CHUK: variants seen among roughly 807,000 people sequenced by gnomAD.
CHUK encodes the protein component of inhibitor of nuclear factor kappa B kinase complex.
A neutral mutation model predicts 104.8 loss-of-function variants in CHUK; 35 were observed. That is an observed-to-expected ratio of 0.33 (90% CI 0.26 to 0.44). The LOEUF (loss-of-function observed/expected upper bound fraction) is 0.44. Among genes scored for constraint, CHUK ranks in the 20% least tolerant of loss-of-function variants. The pLI is 1.00. For missense variants in CHUK, 663 were observed against 902.7 expected, an observed-to-expected ratio of 0.73 and a Z score of 3.40; for synonymous variants, 276 against 291.9, an observed-to-expected ratio of 0.95 and a Z score of 0.56.
chr10:100,190,830 C>A (rs781291698), intron 20 of CHUK, 39 bp downstream of exon 20: 2 of 1,178,058 alleles, frequency 1.7e-6, no homozygotes, highest in African/African-American at 3.0e-5. Flanking sequence ...TTGCACCCAA[C>A]ATAGCCAAAG....
In CHUK at chr10:100,200,891, AATAAT is replaced by A. The variant is rs1845446252; in HGVS notation, c.1570-116_1570-112del. ...GACTTGCTGCTTCATTAGAGAACTA[AATAAT>A]ATAATACGAAACACTGATTTTGTTA... is the stretch of plus-strand genomic sequence containing the variant. On this transcript the variant is annotated intron_variant, in intron 14 of 20. Coordinates refer to ENST00000370397, the MANE Select transcript of CHUK (RefSeq NM_001278.5). 7 of 714,584 alleles carry A rather than the reference AATAAT, an allele frequency of 9.8e-6. No homozygotes were observed. In the East Asian group the frequency reaches 1.8e-4, roughly 19 times the overall value. 44.3% of individuals were successfully genotyped at this position (714,584 alleles called of 1,614,324 possible).
chr10:100,201,560 T>C (rs1047696298), intron 14 of CHUK, among the ~76,000 whole-genome samples: 2 of 152,154 alleles, frequency 1.3e-5, no homozygotes, highest in African/African-American at 2.4e-5. Context: ...ATTGTCCCTA[T>C]AATATGGAAA....
At chr10:100,190,176 C>T (rs1269887727) in intron 20 of CHUK, 3 of 154,570 alleles carry the variant, frequency 1.9e-5, no homozygotes, top group Admixed American at 1.3e-4. Flanking sequence ...TGTGTGCCAC[C>T]ACACCTGGCC....
intron 9 of CHUK, among the ~76,000 whole-genome samples, chr10:100,211,277 T>C (rs1845722670): frequency 6.6e-6 from 1 of 151,894 alleles, no homozygotes; most frequent in Admixed American, 6.5e-5. Flanking sequence ...CTTTTACATA[T>C]TTTATTTTGT....
intron 4 of CHUK, among the ~76,000 whole-genome samples, chr10:100,221,099 A>C (rs1184941196): frequency 6.6e-6 from 1 of 152,044 alleles, no homozygotes; most frequent in Non-Finnish European, 1.5e-5. Context: ...TATTTTAGGA[A>C]TTTTTCTGGA....
At chr10:100,196,536 C>T (rs1845334793) in intron 16 of CHUK, among the ~76,000 whole-genome samples, 1 of 152,032 alleles carries the variant, frequency 6.6e-6, no homozygotes, top group African/African-American at 2.4e-5. Context: ...TACAGGCATA[C>T]ACTACCACAC....
intron 5 of CHUK, among the ~76,000 whole-genome samples, chr10:100,219,607 CAATGA>C (rs1211371418): frequency 1.3e-5 from 2 of 152,002 alleles, no homozygotes; most frequent in African/African-American, 4.8e-5. Context: ...TATTAGGATC[CAATGA>C]AATAACGAAA....
rs781624475 is a variant in CHUK, at chr10:100,218,774, C to G, written c.741G>C (p.Glu247Asp). 6.2e-7 allele frequency: 1 copy of G among 1,613,980 alleles called. No homozygotes were observed. Among genetic ancestry groups the G allele is most frequent in the Non-Finnish European group, 8.5e-7 (1 of 1,179,910 alleles). ...KDPKCIFACE[E>D]MSGEVRFSSH... is the part of the protein sequence containing the mutation. ...TACTAAACCGAACTTCTCCTGACAT[C>G]TCTTCACATGCAAATATACACTTTG... Residue 247 changes from glutamate to aspartate, a missense_variant, in exon 8 of 21, where the codon GAG becomes GAC. Glu to Asp is a conservative substitution (Grantham distance 45). Coordinates refer to ENST00000370397, the MANE Select transcript of CHUK (RefSeq NM_001278.5).
chr10:100,200,542 T>G (rs1484482534), intron 15 of CHUK, 129 bp downstream of exon 15: 1 of 665,850 alleles, frequency 1.5e-6, no homozygotes, highest in Non-Finnish European at 2.7e-6. Context: ...ATTTTAAATA[T>G]AATGCCAATA....
chr10:100,193,942 C>G, intron 18 of CHUK, 42 bp downstream of exon 18: 4 of 1,566,336 alleles, frequency 2.6e-6, no homozygotes, highest in Non-Finnish European at 3.5e-6. Flanking sequence ...GGAATAATAG[C>G]AACTCAATGT....
intron 20 of CHUK, 95 bp from the exon 21 acceptor site, chr10:100,189,722 C>T (rs1393480744): frequency 1.5e-5 from 13 of 847,506 alleles, no homozygotes; most frequent in Non-Finnish European, 2.2e-5. Context: ...TTGGACATTT[C>T]ATAATCAAAA....
In CHUK at chr10:100,194,055, C is replaced by T. The variant is rs763019983; in HGVS notation, c.1903G>A (p.Ala635Thr). The change falls in exon 18 of 21, where the codon GCT becomes ACT. Residue 635 changes from alanine to threonine, a missense_variant. Ala to Thr is a moderately conservative substitution (Grantham distance 58, BLOSUM62 0). This residue lies in a region of CHUK where 311 missense variants were observed against 393.4 expected (regional missense o/e 0.79). Transcript: ENST00000370397. ...TGCATGAACATGACAGTATTGTCAGCTTCTTTGATATTACTGAGGGCCACT... is the reference window on the plus strand; with the variant it reads ...TGCATGAACATGACAGTATTGTCAGTTTCTTTGATATTACTGAGGGCCACT... ...VEVALSNIKEADNTVMFMQGK... is the reference protein window; with the variant it reads ...VEVALSNIKETDNTVMFMQGK... The T allele has an allele frequency of 6.2e-7, 1 of 1,613,344 alleles. No homozygotes were observed. Among genetic ancestry groups the T allele is most frequent in the Non-Finnish European group, 8.5e-7 (1 of 1,179,378 alleles).
chr10:100,194,220 A>G (rs1218776052), intron 17 of CHUK, 89 bp from the exon 18 acceptor site: 2 of 1,409,236 alleles, frequency 1.4e-6, no homozygotes, highest in Admixed American at 3.4e-5. Flanking sequence ...AATGAACCAC[A>G]ATCAGCATCA....
intron 1 of CHUK, among the ~76,000 whole-genome samples, chr10:100,228,212 T>C (rs1846148380): frequency 6.6e-6 from 1 of 152,226 alleles, no homozygotes; most frequent in African/African-American, 2.4e-5. Context: ...AAGCCTATAT[T>C]ACAGGAATTA....
At chr10:100,225,610 T>A (rs903790357) in intron 2 of CHUK, among the ~76,000 whole-genome samples, 45 of 152,322 alleles carry the variant, frequency 3.0e-4, no homozygotes, top group African/African-American at 1.1e-3. Context: ...TTTTTGTATA[T>A]ACCCAGAAAT....
chr10:100,189,954 C>G (rs1321349257), intron 20 of CHUK: 1 of 232,330 alleles, frequency 4.3e-6, no homozygotes. Flanking sequence ...TCATGCAATC[C>G]TTCTGCCTCA....
chr10:100,203,859 T>C (rs1325025715), intron 13 of CHUK, among the ~76,000 whole-genome samples: 1 of 152,168 alleles, frequency 6.6e-6, no homozygotes, highest in Non-Finnish European at 1.5e-5. Flanking sequence ...GTTGTCTTAG[T>C]CCATTTGGAC....
At chr10:100,224,805 T>G (rs984743492) in intron 2 of CHUK, among the ~76,000 whole-genome samples, 1 of 151,982 alleles carries the variant, frequency 6.6e-6, no homozygotes, top group Non-Finnish European at 1.5e-5. Flanking sequence ...AGCATAAAAT[T>G]TACCACCTTA....
At chr10:100,218,344 A>C (rs1358283037) in intron 8 of CHUK, among the ~76,000 whole-genome samples, 4 of 152,214 alleles carry the variant, frequency 2.6e-5, no homozygotes, top group African/African-American at 9.7e-5. Flanking sequence ...AGTTACTGAC[A>C]ACTCTGACGG....
Sources: allele counts gnomAD v4.1 joint callset (sites outside exome capture counted in the v4.1 genomes callset), GRCh38; gene constraint gnomAD v4.1.1; regional missense constraint gnomAD v4.1.1; transcripts MANE v1.5; gene names NCBI Gene and HGNC (gene_info 2026-07-23, HGNC 2026-07-21).